NCOR2: variants seen among roughly 807,000 people sequenced by gnomAD.
The protein encoded by NCOR2 is nuclear receptor corepressor 2.
A neutral mutation model predicts 262.9 loss-of-function variants in NCOR2; 81 were observed. The ratio of observed to expected loss-of-function variants is 0.31; its 90% CI spans 0.26 to 0.37. NCOR2 has a LOEUF of 0.37. Among genes scored for constraint, NCOR2 ranks in the 10% least tolerant of loss-of-function variants. The pLI is 1.00. For missense variants in NCOR2, 3,385 were observed against 3,621.4 expected (o/e 0.93, Z 1.68); for synonymous variants, 1,659 against 1,559.3 (o/e 1.06, Z -1.51).
Position 124,348,327 on chromosome 12 carries a change from C to CAA in NCOR2, c.3845-15_3845-14dup. On this transcript the variant is annotated splice_polypyrimidine_tract_variant and intron_variant, in intron 28 of 46. Coordinates refer to ENST00000405201, the Ensembl canonical transcript of NCOR2. ...ACAGACATGCCACCTGGAAACCACACAAAGCACTCGGTGAGGAGCTGGGCA... is the reference window on the plus strand; with the variant it reads ...ACAGACATGCCACCTGGAAACCACACAAAAAGCACTCGGTGAGGAGCTGGGCA... The CAA allele has an allele frequency of 6.3e-7, 1 of 1,596,718 alleles. No individual in the cohort carries two copies. The highest frequency in any genetic ancestry group is 1.1e-5 in the South Asian group (1 of 88,990).
intron 1 of NCOR2, among the ~76,000 whole-genome samples, chr12:124,533,077 C>T (rs1455252172): frequency 2.0e-5 from 3 of 146,928 alleles, no homozygotes; most frequent in Non-Finnish European, 4.5e-5. Flanking sequence ...TCCTCCTTCT[C>T]CTACCTCCAA....
At chr12:124,355,125 TGCCCTCTGAGCCCCTTG>T (rs2037845773) in intron 24 of NCOR2, 186 bp from the exon 27 acceptor site, 1 of 623,160 alleles carries the variant, frequency 1.6e-6, no homozygotes, top group East Asian at 2.8e-5. Context: ...GAAGGGGCCA[TGCCCTCTGAGCCCCTTG>T]CATTTGCCCT....
At chr12:124,533,929 T>A (rs937609982) in intron 1 of NCOR2, among the ~76,000 whole-genome samples, 4 of 133,320 alleles carry the variant, frequency 3.0e-5, no homozygotes, top group Non-Finnish European at 6.6e-5. Flanking sequence ...GACCTTTTTG[T>A]GATTTTTTTT....
chr12:124,386,153 T>C (rs907065737), intron 16 of NCOR2, among the ~76,000 whole-genome samples: 3 of 152,078 alleles, frequency 2.0e-5, no homozygotes, highest in African/African-American at 7.2e-5. Context: ...AGGCCTGGGC[T>C]GGAGGAGCCA....
At chr12:124,451,433 G>T (rs1244668384) in intron 6 of NCOR2, among the ~76,000 whole-genome samples, 1 of 152,304 alleles carries the variant, frequency 6.6e-6, no homozygotes, top group East Asian at 1.9e-4. Flanking sequence ...GAAAAATTGA[G>T]TCCTTAAGAG....
intron 38 of NCOR2, 141 bp downstream of exon 40, chr12:124,336,611 CG>C (rs1555300059): frequency 2.7e-6 from 4 of 1,468,836 alleles, no homozygotes; most frequent in Non-Finnish European, 3.6e-6. Context: ...GACCACGAGA[CG>C]GGGTGGGTGC....
rs2271137 is a variant in NCOR2 at position 124,356,690 on chromosome 12, C to T, written c.3193G>A (p.Ala1065Thr). 1.2e-5 allele frequency: 18 copies of T among 1,478,514 alleles called. No homozygotes were observed. The East Asian group carries it at 1.9e-4, about 16-fold the overall frequency. The allele number at this position is 1,478,514 out of a possible 1,614,324, so 91.6% of individuals were successfully genotyped here. Residue 1065 changes from alanine to threonine, a missense_variant, in exon 23 of 47, where the codon GCC becomes ACC. Physicochemically the swap from Ala to Thr is moderately conservative, Grantham distance 58 (BLOSUM62 0). This residue lies in a region of NCOR2 where 1,615 missense variants were observed against 1,626.9 expected (regional missense o/e 0.99). Transcript: ENST00000405201. ...GAGGGGTCCGGGGCATGCGGGGAGG[C>T]CTTGATCACCTCACGGGGGGGCACG...
chr12:124,376,774 GA>G (rs2040035600), intron 18 of NCOR2, among the ~76,000 whole-genome samples: 1 of 152,194 alleles, frequency 6.6e-6, no homozygotes, highest in Non-Finnish European at 1.5e-5. Flanking sequence ...CTGCCAGGGA[GA>G]AGCCAGGGCG....
chr12:124,383,950 A>T (rs2040600040), intron 17 of NCOR2, among the ~76,000 whole-genome samples: 2 of 152,168 alleles, frequency 1.3e-5, no homozygotes, highest in South Asian at 4.1e-4. Context: ...GAAGCCTGGA[A>T]AGCCAGGCTG....
At chr12:124,413,001 G>A (rs1411574144) in intron 13 of NCOR2, among the ~76,000 whole-genome samples, 1 of 152,250 alleles carries the variant, frequency 6.6e-6, no homozygotes, top group Non-Finnish European at 1.5e-5. Context: ...GAGGAAGTCG[G>A]AAGCCTCGCT....
chr12:124,408,445 CT>C (rs970400188), intron 13 of NCOR2, among the ~76,000 whole-genome samples: 25 of 152,158 alleles, frequency 1.6e-4, no homozygotes, highest in Non-Finnish European at 2.9e-5. Flanking sequence ...AACACTTAAC[CT>C]TACAATTAAA....
At chr12:124,385,629 G>A (rs569018413) in intron 17 of NCOR2, 116 bp downstream of exon 19, 26 of 1,432,354 alleles carry the variant, frequency 1.8e-5, no homozygotes, top group African/African-American at 7.1e-5. Flanking sequence ...CTAACAAGGC[G>A]GCATAATAGC....
chr12:124,334,534 C>A (rs763663242), exon 41 of NCOR2: 1 of 1,431,146 alleles, frequency 7.0e-7, no homozygotes, highest in Non-Finnish European at 9.1e-7. Flanking sequence ...GGCAGCTGGC[C>A]CCAGGGAAGG....
In NCOR2 at chr12:124,486,610, G is replaced by A. The variant is rs556744434; in HGVS notation, c.106-42C>T. ...AGGAGTGGTGAGCGTGGGCGGGCAC[G>A]GGCATGGCGGGGCACGGCAGGGCAC... On this transcript the variant is annotated intron_variant, in intron 1 of 46. Transcript: ENST00000405201. The A allele has an allele frequency of 4.2e-5, 64 of 1,530,984 alleles. No individual in the cohort carries two copies. In the South Asian group the frequency reaches 6.7e-4, roughly 16 times the overall value. The allele number at this position is 1,530,984 out of a possible 1,614,324, so 94.8% of individuals were successfully genotyped here.
In NCOR2 at chr12:124,548,929, G is replaced by C. The variant is rs1479161550; in HGVS notation, c.-164-13318C>G. Among the ~76,000 whole-genome samples the C allele has an allele frequency of 6.6e-6, 1 of 152,154 alleles. No homozygotes were observed. The highest frequency in any genetic ancestry group is 1.5e-5 in the Non-Finnish European group (1 of 68,032). On this transcript the variant is annotated intron_variant, in intron 1 of 32. Transcript: ENST00000458234. The surrounding 1 kb of genome is among the most constrained non-coding windows in gnomAD (Gnocchi z 5.1). Reference sequence around the variant, plus strand: ...ATCCACGCTTACTCATTCTGAGTGGGAGCCAGCCACTCCTCCCTCTCGTTT... The same window carrying C: ...ATCCACGCTTACTCATTCTGAGTGGCAGCCAGCCACTCCTCCCTCTCGTTT...
chr12:124,403,039 A>T (rs539299517), intron 13 of NCOR2, among the ~76,000 whole-genome samples: 12 of 152,246 alleles, frequency 7.9e-5, no homozygotes, highest in Admixed American at 7.8e-4. Context: ...CTGGGTTGAG[A>T]GAGGTGCCCT....
chr12:124,405,031 A>G (rs1263064962), intron 13 of NCOR2, among the ~76,000 whole-genome samples: 1 of 151,630 alleles, frequency 6.6e-6, no homozygotes, highest in African/African-American at 2.4e-5. Flanking sequence ...CCCCGCTGAG[A>G]GTCTCAGCCA....
At chr12:124,346,930 G>A in intron 30 of NCOR2, 80 bp from the exon 33 acceptor site, 1 of 1,384,754 alleles carries the variant, frequency 7.2e-7, no homozygotes, top group Non-Finnish European at 9.4e-7. Context: ...GGGTTCTGGA[G>A]CTAGTCTGCC....
At chr12:124,467,729 A>C in intron 4 of NCOR2, among the ~76,000 whole-genome samples, 2 of 115,226 alleles carry the variant, frequency 1.7e-5, no homozygotes, top group African/African-American at 6.9e-5. Flanking sequence ...CATCACCCTC[A>C]TCCTCATCAC....
Sources: gnomAD v4.1 joint callset for allele counts (sites outside exome capture counted in the v4.1 genomes callset) on GRCh38, gnomAD v4.1.1 for gene constraint, gnomAD v4.1.1 regional missense constraint, Gnocchi (gnomAD v3.1) non-coding constraint, MANE v1.5 for transcripts, NCBI Gene and HGNC (gene_info 2026-07-23, HGNC 2026-07-21) for gene names.